The following SEMA5A variants were observed in gnomAD, a reference collection of about 807,000 sequenced individuals.
SEMA5A encodes semaphorin-5A.
In SEMA5A, 55 loss-of-function variants were observed where a neutral mutation model predicts 135.5. The ratio of observed to expected loss-of-function variants is 0.41; its 90% CI spans 0.33 to 0.51. SEMA5A has a LOEUF of 0.51. Ranked by LOEUF, SEMA5A falls within the 20% of genes least tolerant of loss-of-function variation. The probability of loss-of-function intolerance (pLI) is 0.37; values close to 1 mark genes in which losing one functional copy is unlikely to be tolerated. For missense variants in SEMA5A, 1,290 were observed against 1,419.9 expected (o/e 0.91, Z 1.47); for synonymous variants, 580 against 546.5 (o/e 1.06, Z -0.85).
intron 1 of SEMA5A, among the ~76,000 whole-genome samples, chr5:9,454,585 T>A (rs889856055): frequency 6.6e-6 from 1 of 152,224 alleles, no homozygotes; most frequent in African/African-American, 2.4e-5. Context: ...TTCAATTGAA[T>A]GACTTTTAGT....
chr5:9,485,368 G>A (rs1734643397), intron 1 of SEMA5A, among the ~76,000 whole-genome samples: 1 of 152,144 alleles, frequency 6.6e-6, no homozygotes, highest in South Asian at 2.1e-4. Context: ...AAGACAGAAA[G>A]AAACCTGGCT....
rs1554003351 is a variant in SEMA5A, at chr5:9,207,114, A to ATATATATATATG, written c.647-4875_647-4874insCATATATATATA. The stretch of plus-strand genomic sequence containing the variant: ...TGAATGATCAAGTGTATATATATAT[A>ATATATATATATG]TATATATATATATATATATAAAGCT... On this transcript the variant is annotated intron_variant, in intron 8 of 22. Coordinates refer to ENST00000382496, the MANE Select transcript of SEMA5A (RefSeq NM_003966.3). 4.7e-3 allele frequency among the ~76,000 whole-genome samples: 616 copies of ATATATATATATG among 132,406 alleles called. 18 individuals are homozygous for ATATATATATATG. Among genetic ancestry groups the ATATATATATATG allele is most frequent in the African/African-American group, 0.016 (563 of 34,862 alleles). The allele number at this position is 132,406 out of a possible 152,430, so 86.9% of individuals were successfully genotyped here. A position where few individuals can be genotyped will look rare whatever the true frequency, so the allele number is the denominator to read the frequency against.
intron 8 of SEMA5A, among the ~76,000 whole-genome samples, chr5:9,209,596 A>G (rs185847064): frequency 1.9e-4 from 29 of 152,316 alleles, no homozygotes; most frequent in Non-Finnish European, 1.3e-4. Flanking sequence ...GAGCTCCAAC[A>G]TTATTCAGTT....
chr5:9,361,423 G>A (rs980164465), intron 3 of SEMA5A, among the ~76,000 whole-genome samples: 5 of 152,148 alleles, frequency 3.3e-5, no homozygotes, highest in African/African-American at 1.2e-4. Context: ...GAGGGAAAGT[G>A]ATGAAAATTA....
At chr5:9,511,447 T>A (rs1250336152) in intron 1 of SEMA5A, 1 of 152,168 alleles carries the variant, frequency 6.6e-6, no homozygotes, top group Admixed American at 6.5e-5. Context: ...GAGTGGTAAT[T>A]ATTTGGGCAG....
chr5:9,116,650 T>A (rs1050498563), intron 15 of SEMA5A, among the ~76,000 whole-genome samples: 2 of 152,202 alleles, frequency 1.3e-5, no homozygotes, highest in Non-Finnish European at 2.9e-5. Flanking sequence ...GATCAATTCA[T>A]TATCTTGTGG....
intron 11 of SEMA5A, among the ~76,000 whole-genome samples, chr5:9,162,560 G>GTATATATATA (rs760785096): frequency 1.2e-3 from 34 of 28,028 alleles, no homozygotes; most frequent in African/African-American, 4.7e-3. Context: ...ATGTGTGTGT[G>GTATATATATA]TGTGTATATA....
chr5:9,411,042 T>A (rs1035038547), intron 2 of SEMA5A, among the ~76,000 whole-genome samples: 4 of 151,980 alleles, frequency 2.6e-5, no homozygotes, highest in African/African-American at 7.3e-5. Context: ...TGAAAAACTA[T>A]GTATACTGTG....
At chr5:9,142,065 C>G (rs997197131) in intron 12 of SEMA5A, among the ~76,000 whole-genome samples, 2 of 152,178 alleles carry the variant, frequency 1.3e-5, no homozygotes, top group Admixed American at 1.3e-4. Flanking sequence ...CCATGGCAAA[C>G]AGACACTGTC....
intron 1 of SEMA5A, among the ~76,000 whole-genome samples, chr5:9,441,339 C>G (rs1758225223): frequency 6.6e-6 from 1 of 152,008 alleles, no homozygotes; most frequent in East Asian, 1.9e-4. Context: ...TATTAAAAGA[C>G]ACAGTGAAGT....
chr5:9,243,075 T>C (rs1748292536), intron 5 of SEMA5A, among the ~76,000 whole-genome samples: 1 of 152,208 alleles, frequency 6.6e-6, no homozygotes. Context: ...GTTCTCTAAT[T>C]GGGAGTTGAC....
Position 9,039,632 on chromosome 5 carries a change from A to G in SEMA5A, c.*3265T>C. On this transcript the variant is annotated 3_prime_UTR_variant, in exon 23 of 23. Transcript: ENST00000382496. ...GCTGAGATGCCTCATGTAAGTCACA[A>G]GAAGCAGCAGCATAGAAATATGCTC... 6.6e-6 allele frequency: 1 copy of G among 152,324 alleles called. No homozygotes were observed. The highest frequency in any genetic ancestry group is 1.5e-5 in the Non-Finnish European group (1 of 68,090). The allele number at this position is 152,324 out of a possible 1,614,324, so 9.4% of individuals were successfully genotyped here. A position where few individuals can be genotyped will look rare whatever the true frequency, so the allele number is the denominator to read the frequency against.
intron 11 of SEMA5A, among the ~76,000 whole-genome samples, chr5:9,164,116 TAA>T (rs1743463205): frequency 1.8e-5 from 2 of 111,322 alleles, no homozygotes; most frequent in East Asian, 5.3e-4. Flanking sequence ...TATATAATTA[TAA>T]ATATATCATA....
chr5:9,104,947 GC>G (rs1739828980), intron 16 of SEMA5A, among the ~76,000 whole-genome samples: 1 of 152,234 alleles, frequency 6.6e-6, no homozygotes, highest in Admixed American at 6.5e-5. Context: ...CCCTCAATCA[GC>G]TGGACACATG....
At chr5:9,300,486 A>G (rs1156892859) in intron 5 of SEMA5A, among the ~76,000 whole-genome samples, 2 of 152,190 alleles carry the variant, frequency 1.3e-5, no homozygotes, top group Non-Finnish European at 2.9e-5. Context: ...CAGCCATAAT[A>G]CAGGAGTAGC....
intron 3 of SEMA5A, among the ~76,000 whole-genome samples, chr5:9,353,072 A>G (rs1271091575): frequency 3.5e-5 from 1 of 28,794 alleles, no homozygotes; most frequent in African/African-American, 9.4e-5. Flanking sequence ...AGGAAAGGAA[A>G]GGAAAGGAAA....
intron 6 of SEMA5A, among the ~76,000 whole-genome samples, chr5:9,231,329 TA>T (rs1747617652): frequency 6.6e-6 from 1 of 151,800 alleles, no homozygotes; most frequent in Non-Finnish European, 1.5e-5. Flanking sequence ...CCAAGTGTGG[TA>T]ATGCATGCCT....
intron 8 of SEMA5A, among the ~76,000 whole-genome samples, chr5:9,218,444 G>A (rs948624135): frequency 5.9e-5 from 9 of 152,132 alleles, no homozygotes; most frequent in East Asian, 1.9e-4. Context: ...TCTACTGGGC[G>A]TTTCATCGGT....
chr5:9,379,572 G>A (rs1254234646), intron 3 of SEMA5A, among the ~76,000 whole-genome samples: 1 of 152,166 alleles, frequency 6.6e-6, no homozygotes, highest in Non-Finnish European at 1.5e-5. Context: ...TTAAATAAAG[G>A]TGACCAGAAA....
Sources: allele counts gnomAD v4.1 joint callset (sites outside exome capture counted in the v4.1 genomes callset), GRCh38; gene constraint gnomAD v4.1.1; transcripts MANE v1.5; gene names NCBI Gene and HGNC (gene_info 2026-07-23, HGNC 2026-07-21).